ELL: variants seen among roughly 807,000 people sequenced by gnomAD.
ELL encodes the protein RNA polymerase II elongation factor ELL.
ELL carries 18 observed loss-of-function variants against 64.0 expected under a neutral mutation model. The ratio of observed to expected loss-of-function variants is 0.28; its 90% CI spans 0.19 to 0.42. The LOEUF is 0.42. Among genes scored for constraint, ELL ranks in the 10% least tolerant of loss-of-function variants. The pLI, the probability that ELL is intolerant of heterozygous loss-of-function variation, is 1.00. For synonymous variants in ELL, 399 were observed against 376.2 expected (o/e 1.06, Z -0.70); for missense variants, 797 against 870.4 (o/e 0.92, Z 1.06).
chr19:18,458,495 C>T (rs943906520), intron 5 of ELL, among the ~76,000 whole-genome samples, 166 bp from the exon 6 acceptor site: 10 of 152,026 alleles, frequency 6.6e-5, no homozygotes, highest in African/African-American at 2.4e-5. Flanking sequence ...GTGATGTCTC[C>T]CACCCCCAGT....
chr19:18,521,481 C>T (rs1976273288), intron 1 of ELL, among the ~76,000 whole-genome samples: 2 of 152,054 alleles, frequency 1.3e-5, no homozygotes, highest in Admixed American at 1.3e-4. Context: ...CACAGTCACC[C>T]CCACCAACGG....
intron 1 of ELL, among the ~76,000 whole-genome samples, chr19:18,482,112 A>G (rs1213619748): frequency 6.6e-6 from 1 of 152,112 alleles, no homozygotes; most frequent in East Asian, 1.9e-4. Flanking sequence ...CCTGCTGATT[A>G]AGCATGTTGA....
chr19:18,487,906 C>T (rs1269535982), intron 1 of ELL, among the ~76,000 whole-genome samples: 6 of 152,252 alleles, frequency 3.9e-5, no homozygotes, highest in Non-Finnish European at 7.3e-5. Context: ...CTGGCAGGGC[C>T]TGCTCTGCCC....
At chr19:18,509,403 C>T (rs1303898986) in intron 1 of ELL, among the ~76,000 whole-genome samples, 2 of 152,132 alleles carry the variant, frequency 1.3e-5, no homozygotes, top group Non-Finnish European at 2.9e-5. Flanking sequence ...AAGGCCACCC[C>T]AAGCCCTTTG....
intron 1 of ELL, among the ~76,000 whole-genome samples, chr19:18,473,456 G>C (rs1050314641): frequency 6.6e-6 from 1 of 152,196 alleles, no homozygotes; most frequent in African/African-American, 2.4e-5. Flanking sequence ...GAGCAGGTGC[G>C]GTGGGGCCAC....
Position 18,465,785 on chromosome 19 carries a change from G to A in ELL, c.305+12C>T. 3 of 1,420,240 alleles carry A rather than the reference G, an allele frequency of 2.1e-6. No individual in the cohort carries two copies. The allele number at this position is 1,420,240 out of a possible 1,614,324, so 88.0% of individuals were successfully genotyped here. A position where few individuals can be genotyped will look rare whatever the true frequency, so the allele number is the denominator to read the frequency against. On this transcript the variant is annotated intron_variant, in intron 3 of 11. Transcript: ENST00000262809. The stretch of plus-strand genomic sequence containing the variant: ...AGCCGGCGGGGTGCTCTGGGGTGGG[G>A]CGGCGCCTCACCTGGAGACATACTG...
intron 1 of ELL, among the ~76,000 whole-genome samples, chr19:18,513,270 C>T (rs920788095): frequency 2.6e-5 from 4 of 152,182 alleles, no homozygotes; most frequent in African/African-American, 9.7e-5. Flanking sequence ...AGCCTCACTA[C>T]GGGACAGTGG....
At chr19:18,474,211 G>A (rs375104563) in intron 1 of ELL, among the ~76,000 whole-genome samples, 5 of 152,360 alleles carry the variant, frequency 3.3e-5, no homozygotes, top group South Asian at 2.1e-4. Context: ...AGCGGAAGCC[G>A]CCTGGGACAT....
rs760823752 is a variant in ELL, at chr19:18,461,661, G to A, written c.661C>T (p.Arg221Cys). The part of the protein sequence containing the change: ...VLHLLALRPY[R>C]KAELLLRLQK... Reference sequence around the variant, plus strand: ...AGTCGCAGCAGCAGCTCAGCCTTGCGGTAGGGCCGTAGTGCCAGGAGGTGC... The same window carrying A: ...AGTCGCAGCAGCAGCTCAGCCTTGCAGTAGGGCCGTAGTGCCAGGAGGTGC... The change falls in exon 5 of 12, where the codon CGC (arginine) becomes TGC (cysteine). Residue 221 changes from arginine to cysteine, a missense_variant. By Grantham distance (180) the Arg-to-Cys change is radical (BLOSUM62 -3). Coordinates refer to ENST00000262809, the MANE Select transcript of ELL (RefSeq NM_006532.4). The A allele has an allele frequency of 8.1e-6, 13 of 1,612,798 alleles. No homozygotes were observed. The highest frequency in any genetic ancestry group is 4.0e-5 in the African/African-American group (3 of 74,922).
At chr19:18,451,323 G>A (rs1398491650) in intron 7 of ELL, among the ~76,000 whole-genome samples, 6 of 152,204 alleles carry the variant, frequency 3.9e-5, no homozygotes, top group Admixed American at 1.3e-4. Context: ...GCCGCCCCCC[G>A]TCCCAGGTTC....
rs1342578005 is a variant in ELL at position 18,445,208 on chromosome 19, C to T, written c.1749+16G>A. 5 of 1,613,984 alleles carry T rather than the reference C, an allele frequency of 3.1e-6. No individual in the cohort carries two copies. Among genetic ancestry groups the T allele is most frequent in the Non-Finnish European group, 3.4e-6 (4 of 1,180,018 alleles). On this transcript the variant is annotated intron_variant, in intron 11 of 11. Coordinates refer to ENST00000262809, the MANE Select transcript of ELL (RefSeq NM_006532.4). ...ATGGCTCACTTGGAGCCCACCCCAA[C>T]ACAAGAGACACTCACCTTTTTGATT...
rs1974327152 is a variant in ELL at position 18,443,036 on chromosome 19, C to T, written c.*1716G>A. ...ACAACAAAAAGGCAAATTCAACTGA[C>T]AGCCCCTTGGACTGGTTCCCAGGGC... On this transcript the variant is annotated 3_prime_UTR_variant, in exon 12 of 12. Transcript: ENST00000262809. 8.6e-6 allele frequency: 2 copies of T among 232,384 alleles called. No individual in the cohort carries two copies. Among genetic ancestry groups the T allele is most frequent in the African/African-American group, 2.2e-5 (1 of 45,280 alleles). 14.4% of individuals were successfully genotyped at this position (232,384 alleles called of 1,614,324 possible). A position where few individuals can be genotyped will look rare whatever the true frequency, so the allele number is the denominator to read the frequency against.
Position 18,494,142 on chromosome 19 carries a change from G to A in ELL, c.136-21260C>T, listed in dbSNP as rs865842176. On this transcript the variant is annotated intron_variant, in intron 1 of 11. Coordinates refer to ENST00000262809, the MANE Select transcript of ELL (RefSeq NM_006532.4). Reference sequence around the variant, plus strand: ...GTTTGGAGACTGAGGTAGGAGGATCGTTTGAGCCCAGGAGTTCAAGGTTAT... The same window carrying A: ...GTTTGGAGACTGAGGTAGGAGGATCATTTGAGCCCAGGAGTTCAAGGTTAT... 8.5e-5 allele frequency among the ~76,000 whole-genome samples: 13 copies of A among 152,098 alleles called. 1 individual carries two copies. Among genetic ancestry groups the A allele is most frequent in the Middle Eastern group, 6.8e-3 (2 of 294 alleles).
At chr19:18,497,577 T>C (rs1229919510) in intron 1 of ELL, among the ~76,000 whole-genome samples, 3 of 151,350 alleles carry the variant, frequency 2.0e-5, no homozygotes, top group African/African-American at 7.3e-5. Flanking sequence ...CCCAGCACTT[T>C]AGGAGGCCTG....
chr19:18,468,617 G>A (rs951853967), intron 2 of ELL, among the ~76,000 whole-genome samples: 6 of 152,222 alleles, frequency 3.9e-5, no homozygotes, highest in Admixed American at 2.6e-4. Flanking sequence ...GTGGGAACCT[G>A]AGCCTGGCCT....
intron 1 of ELL, among the ~76,000 whole-genome samples, chr19:18,519,073 T>C (rs1045742422): frequency 6.6e-6 from 1 of 151,110 alleles, no homozygotes; most frequent in Admixed American, 6.6e-5. Context: ...AATTAAAAAC[T>C]AAAAATAGGC....
intron 11 of ELL, 77 bp from the exon 12 acceptor site, chr19:18,444,945 C>G: frequency 4.7e-6 from 7 of 1,481,762 alleles, no homozygotes; most frequent in Non-Finnish European, 6.4e-6. Flanking sequence ...CCAGTGTCCC[C>G]CCCAAACCAA....
rs1974422697 is a variant in ELL, at chr19:18,446,602, G to C, written c.1533-122C>G. ...GGGTGATTCCCTGGATTATGAGGGG[G>C]CCTGGCCCAGAAGAGGCTGCTATGT... On this transcript the variant is annotated intron_variant, in intron 9 of 11. Coordinates refer to ENST00000262809, the MANE Select transcript of ELL (RefSeq NM_006532.4). 3.4e-6 allele frequency: 5 copies of C among 1,490,990 alleles called. No individual in the cohort carries two copies. In the South Asian group the frequency reaches 3.7e-5, roughly 11 times the overall value. The allele number at this position is 1,490,990 out of a possible 1,614,324, so 92.4% of individuals were successfully genotyped here.
At chr19:18,455,716 A>G (rs1974656104) in intron 6 of ELL, among the ~76,000 whole-genome samples, 1 of 151,878 alleles carries the variant, frequency 6.6e-6, no homozygotes, top group Non-Finnish European at 1.5e-5. Context: ...TGTCTCAAGA[A>G]AAAAAAAGAA....
Sources: gnomAD v4.1 joint callset for allele counts (sites outside exome capture counted in the v4.1 genomes callset) on GRCh38, gnomAD v4.1.1 for gene constraint, MANE v1.5 for transcripts, NCBI Gene and HGNC (gene_info 2026-07-23, HGNC 2026-07-21) for gene names.